Variants in THADA observed in about 807,000 individuals in gnomAD.
The protein encoded by THADA is tRNA (32-2'-O)-methyltransferase regulator THADA.
Under a neutral mutation model 219.8 loss-of-function variants are expected in THADA, and 213 were observed. The observed-to-expected ratio is 0.97, with a 90% CI of 0.87 to 1.09. The LOEUF (loss-of-function observed/expected upper bound fraction) is 1.09. Ranked by LOEUF, THADA falls within the 50% of genes least tolerant of loss-of-function variation. The pLI, the probability that THADA is intolerant of heterozygous loss-of-function variation, is 0.00. For missense variants in THADA, 2,956 were observed against 2,311.3 expected, an observed-to-expected ratio of 1.28 and a Z score of -5.72; for synonymous variants, 1,018 against 828.9, an observed-to-expected ratio of 1.23 and a Z score of -3.92.
Position 43,485,233 on chromosome 2 carries a change from C to T in THADA, c.3836+1G>A. On this transcript the variant is annotated splice_donor_variant, in intron 26 of 37. Transcript: ENST00000405975. LOFTEE classifies it high-confidence loss of function. ...TAAAGTTAGCCTTAAATGGAGCTTA[C>T]CTATTTGTTTTGGAATGTTCATCCT... The T allele has an allele frequency of 6.2e-7, 1 of 1,606,852 alleles. No homozygotes were observed. Among genetic ancestry groups the T allele is most frequent in the Non-Finnish European group, 8.5e-7 (1 of 1,174,526 alleles).
intron 36 of THADA, among the ~76,000 whole-genome samples, chr2:43,252,858 C>T (rs894232230): frequency 9.9e-5 from 15 of 152,202 alleles, no homozygotes; most frequent in African/African-American, 3.1e-4. Context: ...TATAAACTCA[C>T]GCTGTTTAAT....
chr2:43,393,952 G>C (rs1673714326), intron 29 of THADA, among the ~76,000 whole-genome samples: 1 of 152,224 alleles, frequency 6.6e-6, no homozygotes, highest in African/African-American at 2.4e-5. Context: ...AAGATTTTCT[G>C]AACTCCAATA....
intron 14 of THADA, among the ~76,000 whole-genome samples, chr2:43,567,250 T>C (rs1319946261): frequency 1.3e-5 from 2 of 152,202 alleles, no homozygotes; most frequent in East Asian, 3.8e-4. Context: ...TTATTAATTC[T>C]ATTCGGTTTC....
At chr2:43,544,988 T>C (rs1487051124) in intron 20 of THADA, among the ~76,000 whole-genome samples, 2 of 152,104 alleles carry the variant, frequency 1.3e-5, no homozygotes, top group Non-Finnish European at 1.5e-5. Flanking sequence ...TTTTCGCCCA[T>C]TCAGTATGAC....
Position 43,434,241 on chromosome 2 carries a change from C to T in THADA, c.3837-3939G>A, listed in dbSNP as rs567932332. Among the ~76,000 whole-genome samples, 4 of 152,186 alleles carry T rather than the reference C, an allele frequency of 2.6e-5. No homozygotes were observed. In the South Asian group the frequency reaches 6.2e-4, roughly 24 times the overall value. ...GCTAATACTGCAGATCACAGAGAAACGTAGTGTGGTAACTGATTATCCACA... is the reference window on the plus strand; with the variant it reads ...GCTAATACTGCAGATCACAGAGAAATGTAGTGTGGTAACTGATTATCCACA... On this transcript the variant is annotated intron_variant, in intron 26 of 37. Coordinates refer to ENST00000405975, the MANE Select transcript of THADA (RefSeq NM_022065.5).
At chr2:43,441,518 T>C (rs1680841499) in intron 26 of THADA, among the ~76,000 whole-genome samples, 1 of 152,238 alleles carries the variant, frequency 6.6e-6, no homozygotes. Flanking sequence ...AAGGGGCTTA[T>C]CCAAACTTCA....
chr2:43,289,976 GTTTT>G (rs59073038), intron 34 of THADA, among the ~76,000 whole-genome samples: 2 of 92,010 alleles, frequency 2.2e-5, no homozygotes, highest in African/African-American at 4.2e-5. Context: ...TTTTGTTTTT[GTTTT>G]TTTTTTTTTT....
In THADA at chr2:43,495,602, G is replaced by A. The variant is rs527687904; in HGVS notation, c.3744+3231C>T. ...GCAGTGCACATGTATTACTGTTTAG[G>A]GTCTCAAAAAATAGTCTTTTCAAAA... is the stretch of plus-strand genomic sequence containing the variant. On this transcript the variant is annotated intron_variant, in intron 25 of 37. Transcript: ENST00000405975. 1.9e-3 allele frequency among the ~76,000 whole-genome samples: 281 copies of A among 151,554 alleles called. 4 individuals carry two copies. Among genetic ancestry groups the A allele is most frequent in the Non-Finnish European group, 2.2e-3 (151 of 67,874 alleles).
intron 26 of THADA, among the ~76,000 whole-genome samples, chr2:43,474,542 G>A (rs945847866): frequency 6.6e-6 from 1 of 152,114 alleles, no homozygotes; most frequent in African/African-American, 2.4e-5. Flanking sequence ...CTTGAACCTT[G>A]CAAACGTCTG....
chr2:43,283,196 C>A (rs1049623498), intron 35 of THADA, among the ~76,000 whole-genome samples: 9 of 152,186 alleles, frequency 5.9e-5, no homozygotes, highest in Admixed American at 5.9e-4. Context: ...CTAAGGCCTC[C>A]CAGCCATGCT....
At chr2:43,317,153 T>C (rs764315523) in intron 31 of THADA, among the ~76,000 whole-genome samples, 47 of 152,192 alleles carry the variant, frequency 3.1e-4, no homozygotes, top group African/African-American at 1.1e-3. Flanking sequence ...ACCCAGAGGT[T>C]TGGCTTCAGT....
At chr2:43,462,763 G>C (rs1399790272) in intron 26 of THADA, among the ~76,000 whole-genome samples, 2 of 152,170 alleles carry the variant, frequency 1.3e-5, no homozygotes, top group East Asian at 1.9e-4. Flanking sequence ...TCAGTGTTGA[G>C]GGAGAACTCC....
chr2:43,427,515 G>GTGTA (rs906734216), intron 28 of THADA, among the ~76,000 whole-genome samples: 1 of 150,892 alleles, frequency 6.6e-6, no homozygotes, highest in Non-Finnish European at 1.5e-5. Flanking sequence ...GTGTGTGTGT[G>GTGTA]TGTGTGTGTG....
intron 28 of THADA, among the ~76,000 whole-genome samples, chr2:43,416,331 T>A (rs1676964232): frequency 6.6e-6 from 1 of 152,216 alleles, no homozygotes; most frequent in Admixed American, 6.5e-5. Context: ...TGGATATATT[T>A]TTCCACAGTT....
chr2:43,325,841 G>GTAAATTA (rs1385033450), intron 30 of THADA, among the ~76,000 whole-genome samples: 1 of 152,128 alleles, frequency 6.6e-6, no homozygotes, highest in African/African-American at 2.4e-5. Context: ...AATGCAACAA[G>GTAAATTA]TTTAAGTAAA....
chr2:43,276,758 C>T (rs1262313377), intron 36 of THADA, among the ~76,000 whole-genome samples: 1 of 152,114 alleles, frequency 6.6e-6, no homozygotes, highest in Non-Finnish European at 1.5e-5. Context: ...AAACTTTGTC[C>T]TGGATCACAG....
At chr2:43,409,783 A>G (rs1332238227) in intron 28 of THADA, among the ~76,000 whole-genome samples, 3 of 152,042 alleles carry the variant, frequency 2.0e-5, no homozygotes, top group Non-Finnish European at 4.4e-5. Flanking sequence ...ACTTTGGTAG[A>G]CTGAGGCAGC....
intron 31 of THADA, among the ~76,000 whole-genome samples, chr2:43,314,121 G>A (rs1242070881): frequency 6.6e-6 from 1 of 152,082 alleles, no homozygotes; most frequent in African/African-American, 2.4e-5. Context: ...GGGTATAATG[G>A]GCATCCTATC....
At position 43,431,682 on chromosome 2, in the gene THADA, T is replaced by G. The variant is rs1451384683; in HGVS notation, c.3837-1380A>C. The stretch of plus-strand genomic sequence containing the variant: ...TTTTTTTTTTTTTTTTTTTTTTTTT[T>G]GAGACGGAGTCTCGCTCTGTCGCCC... On this transcript the variant is annotated intron_variant, in intron 26 of 37. Transcript: ENST00000405975. Among the ~76,000 whole-genome samples the G allele has an allele frequency of 4.2e-3, 223 of 52,858 alleles. 31 individuals carry two copies. Among genetic ancestry groups the G allele is most frequent in the African/African-American group, 0.017 (148 of 8,620 alleles). 34.7% of individuals were successfully genotyped at this position (52,858 alleles called of 152,430 possible).
Sources: gnomAD v4.1 joint callset for allele counts (sites outside exome capture counted in the v4.1 genomes callset) on GRCh38, gnomAD v4.1.1 for gene constraint, MANE v1.5 for transcripts, NCBI Gene and HGNC (gene_info 2026-07-23, HGNC 2026-07-21) for gene names.